Variants in RBFOX3 observed in about 807,000 individuals in gnomAD.
RBFOX3 encodes the protein RNA binding fox-1 homolog 3.
A neutral mutation model predicts 48.7 loss-of-function variants in RBFOX3; 17 were observed. That is an observed-to-expected ratio of 0.35 (90% CI 0.24 to 0.52). RBFOX3 has a LOEUF of 0.52. Ranked by LOEUF, RBFOX3 falls within the 20% of genes least tolerant of loss-of-function variation. RBFOX3 has a pLI of 0.94. For synonymous variants in RBFOX3, 212 were observed against 209.5 expected (o/e 1.01, Z -0.10); for missense variants, 382 against 497.5 (o/e 0.77, Z 2.21).
intron 3 of RBFOX3, among the ~76,000 whole-genome samples, chr17:79,255,752 G>A (rs994887638): frequency 6.6e-6 from 1 of 151,994 alleles, no homozygotes; most frequent in African/African-American, 2.4e-5. Flanking sequence ...CAGGGGCAGC[G>A]TCCCTGGGCT....
chr17:79,157,942 C>G (rs977552997), intron 4 of RBFOX3, among the ~76,000 whole-genome samples: 1 of 152,170 alleles, frequency 6.6e-6, no homozygotes, highest in Non-Finnish European at 1.5e-5. Flanking sequence ...TGAGAACGAC[C>G]GAGCTGTATC....
intron 1 of RBFOX3, among the ~76,000 whole-genome samples, chr17:79,592,169 C>A (rs1246261741): frequency 1.4e-5 from 2 of 141,336 alleles, no homozygotes; most frequent in African/African-American, 5.4e-5. Context: ...TGTGTGTCTG[C>A]AGGGTGTGGA....
At chr17:79,093,720 A>G (rs896302938) in intron 14 of RBFOX3, among the ~76,000 whole-genome samples, 1 of 151,098 alleles carries the variant, frequency 6.6e-6, no homozygotes, top group Non-Finnish European at 1.5e-5. Context: ...GCCAGTGGGT[A>G]CAGGAGGCAG....
chr17:79,259,376 C>A (rs2065373189), intron 3 of RBFOX3, among the ~76,000 whole-genome samples: 1 of 152,172 alleles, frequency 6.6e-6, no homozygotes, highest in Non-Finnish European at 1.5e-5. Context: ...GGGGTCCCTG[C>A]CCTTCCGTGG....
intron 2 of RBFOX3, among the ~76,000 whole-genome samples, chr17:79,349,233 C>A (rs148615185): frequency 3.3e-5 from 5 of 152,072 alleles, no homozygotes; most frequent in African/African-American, 1.2e-4. Flanking sequence ...AGCCCCTGCA[C>A]GTGCCTTCCA....
At position 79,443,739 on chromosome 17, in the gene RBFOX3, C is replaced by T. The variant is rs781844015; in HGVS notation, c.-175+38715G>A. Among the ~76,000 whole-genome samples, 2 of 152,306 alleles carry T rather than the reference C, an allele frequency of 1.3e-5. No individual in the cohort carries two copies. The highest frequency in any genetic ancestry group is 6.5e-5 in the Admixed American group (1 of 15,304). On this transcript the variant is annotated intron_variant, in intron 2 of 14. Coordinates refer to ENST00000693108, the MANE Select transcript of RBFOX3 (RefSeq NM_001350451.2). The surrounding 1 kb of genome is among the most constrained non-coding windows in gnomAD (Gnocchi z 4.4). ...CTCACATGCTCACACTACTTGGGAT[C>T]GCAGCCTCTTCTCCCTTGTCTAATG...
chr17:79,244,929 C>T (rs557669615), intron 3 of RBFOX3, among the ~76,000 whole-genome samples: 2 of 148,806 alleles, frequency 1.3e-5, no homozygotes, highest in Non-Finnish European at 3.0e-5. Flanking sequence ...CTTCTTTCTC[C>T]CATTCCTTCC....
At chr17:79,182,448 A>G (rs2052250544) in intron 4 of RBFOX3, among the ~76,000 whole-genome samples, 1 of 152,120 alleles carries the variant, frequency 6.6e-6, no homozygotes, top group South Asian at 2.1e-4. Context: ...CCTGGGGGAG[A>G]CGAGGGAGTC....
chr17:79,238,231 C>T (rs1230800916), intron 3 of RBFOX3, among the ~76,000 whole-genome samples: 1 of 152,214 alleles, frequency 6.6e-6, no homozygotes, highest in Non-Finnish European at 1.5e-5. Flanking sequence ...GCCACCACAC[C>T]CAGCTGGATT....
chr17:79,129,370 G>GAGTTCATTCTAACCTAGTGACCAA (rs1555701297), intron 4 of RBFOX3, among the ~76,000 whole-genome samples: 2 of 146,176 alleles, frequency 1.4e-5, no homozygotes, highest in South Asian at 2.1e-4. Flanking sequence ...GGAACCACCT[G>GAGTTCATTCTAACCTAGTGACCAA]CTGCTACCTG....
chr17:79,143,690 C>T (rs765075266), intron 4 of RBFOX3, among the ~76,000 whole-genome samples: 8 of 152,290 alleles, frequency 5.3e-5, no homozygotes, highest in Non-Finnish European at 1.2e-4. Flanking sequence ...GGTAGGGGAC[C>T]GTCGTCCTCC....
At chr17:79,411,509 A>G (rs569263183) in intron 2 of RBFOX3, among the ~76,000 whole-genome samples, 8 of 151,990 alleles carry the variant, frequency 5.3e-5, no homozygotes, top group African/African-American at 1.7e-4. Flanking sequence ...CCTCCCCTCC[A>G]GGTCTCCATC....
intron 1 of RBFOX3, among the ~76,000 whole-genome samples, chr17:79,564,245 A>T (rs1474858902): frequency 6.6e-6 from 1 of 152,230 alleles, no homozygotes; most frequent in Non-Finnish European, 1.5e-5. Flanking sequence ...TTCATTGAAC[A>T]GTCCTTCCCT....
At chr17:79,516,839 T>C (rs2085311719) in intron 1 of RBFOX3, among the ~76,000 whole-genome samples, 1 of 152,108 alleles carries the variant, frequency 6.6e-6, no homozygotes, top group African/African-American at 2.4e-5. Flanking sequence ...CGCTGCAATA[T>C]GGATGGACCT....
chr17:79,517,444 C>CAAA lies in RBFOX3; in HGVS notation c.-319-34849_-319-34847dup, dbSNP rs1231600861. On this transcript the variant is annotated intron_variant, in intron 1 of 14. Coordinates refer to ENST00000693108, the MANE Select transcript of RBFOX3 (RefSeq NM_001350451.2). The stretch of plus-strand genomic sequence containing the variant: ...TGGACTATACAGTGAGAGTCTGTCT[C>CAAA]AAAAAAAAAAAAAAAAACAAACAAA... Among the ~76,000 whole-genome samples the CAAA allele has an allele frequency of 4.6e-4, 44 of 94,884 alleles. 1 individual carries two copies. Among genetic ancestry groups the CAAA allele is most frequent in the African/African-American group, 1.4e-3 (33 of 24,256 alleles). 62.2% of individuals were successfully genotyped at this position (94,884 alleles called of 152,430 possible).
chr17:79,614,803 G>A (rs1356476199), upstream of RBFOX3, among the ~76,000 whole-genome samples: 6 of 151,826 alleles, frequency 4.0e-5, no homozygotes, highest in East Asian at 1.2e-3. Flanking sequence ...GCCCCAGAAG[G>A]CAAAGCAAAA....
intron 2 of RBFOX3, among the ~76,000 whole-genome samples, chr17:79,474,762 T>G (rs2077489389): frequency 6.6e-6 from 1 of 152,180 alleles, no homozygotes; most frequent in South Asian, 2.1e-4. Flanking sequence ...CAGTCCCTGC[T>G]GCCCGCCCAC....
chr17:79,524,053 G>A (rs1440069049), intron 1 of RBFOX3, among the ~76,000 whole-genome samples: 1 of 152,114 alleles, frequency 6.6e-6, no homozygotes, highest in Non-Finnish European at 1.5e-5. Flanking sequence ...TTAAAGCCAG[G>A]GAGTTGGGTT....
intron 3 of RBFOX3, among the ~76,000 whole-genome samples, chr17:79,287,660 A>T (rs921287719): frequency 3.3e-5 from 5 of 152,120 alleles, no homozygotes; most frequent in African/African-American, 1.2e-4. Flanking sequence ...GGGGATCCTG[A>T]GGTGACCTGT....
Sources: allele counts gnomAD v4.1 joint callset (sites outside exome capture counted in the v4.1 genomes callset), GRCh38; gene constraint gnomAD v4.1.1; non-coding constraint Gnocchi (gnomAD v3.1); transcripts MANE v1.5; gene names NCBI Gene and HGNC (gene_info 2026-07-23, HGNC 2026-07-21).